The following ADAMTSL1 variants were observed in gnomAD, a reference collection of about 807,000 sequenced individuals.
ADAMTSL1 encodes ADAMTS like 1, also known as ADAMTS-like protein 1.
Under a neutral mutation model 201.8 loss-of-function variants are expected in ADAMTSL1, and 126 were observed. The observed-to-expected ratio is 0.62, with a 90% CI of 0.54 to 0.72. The LOEUF (loss-of-function observed/expected upper bound fraction) is 0.72, where lower values mean the gene tolerates loss of function less well. ADAMTSL1 is among the 30% of genes least tolerant of loss of function. The pLI is 0.00. For synonymous variants in ADAMTSL1, 1,121 were observed against 903.4 expected, an observed-to-expected ratio of 1.24 and a Z score of -4.32; for missense variants, 2,679 against 2,277.8, an observed-to-expected ratio of 1.18 and a Z score of -3.59.
chr9:18,133,948 A>C (rs1447930420), intron 1 of ADAMTSL1, among the ~76,000 whole-genome samples: 2 of 152,190 alleles, frequency 1.3e-5, no homozygotes, highest in Non-Finnish European at 2.9e-5. Flanking sequence ...CCATTAGTGT[A>C]AAATGGGAAG....
chr9:18,643,067 T>C (rs1827550029), intron 7 of ADAMTSL1, among the ~76,000 whole-genome samples: 2 of 152,084 alleles, frequency 1.3e-5, no homozygotes, highest in Non-Finnish European at 2.9e-5. Flanking sequence ...AAGGGTTCCC[T>C]TTTCTCTACA....
chr9:18,004,365 T>A lies in ADAMTSL1; in HGVS notation c.87+97443T>A, dbSNP rs553317104. On this transcript the variant is annotated intron_variant, in intron 1 of 29. Coordinates refer to the ADAMTSL1 transcript ENST00000680146. Reference sequence around the variant, plus strand: ...TCTGGCTGCTTCCATAGGAAGCAGATTCAGAGCTCCTTCTGCAGGTGGTAA... The same window carrying A: ...TCTGGCTGCTTCCATAGGAAGCAGAATCAGAGCTCCTTCTGCAGGTGGTAA... 3.9e-5 allele frequency among the ~76,000 whole-genome samples: 6 copies of A among 152,122 alleles called. No homozygotes were observed. The East Asian group carries it at 1.2e-3, about 30-fold the overall frequency.
chr9:18,188,909 G>A (rs560305825), intron 2 of ADAMTSL1, among the ~76,000 whole-genome samples: 67 of 152,270 alleles, frequency 4.4e-4, no homozygotes, highest in African/African-American at 1.6e-3. Flanking sequence ...AAGCAGAAAG[G>A]ATCTCCATTC....
intron 1 of ADAMTSL1, among the ~76,000 whole-genome samples, chr9:17,963,871 G>A (rs1051885474): frequency 2.0e-5 from 3 of 151,988 alleles, no homozygotes; most frequent in Non-Finnish European, 2.9e-5. Context: ...TTTTAAAAAC[G>A]GAATCCTCAG....
intron 2 of ADAMTSL1, among the ~76,000 whole-genome samples, chr9:18,185,796 A>G (rs911374985): frequency 6.6e-6 from 1 of 152,190 alleles, no homozygotes; most frequent in Non-Finnish European, 1.5e-5. Context: ...GTTTACAAGC[A>G]TTGGTTATGT....
At chr9:18,626,513 G>A (rs1359554492) in intron 5 of ADAMTSL1, among the ~76,000 whole-genome samples, 2 of 152,230 alleles carry the variant, frequency 1.3e-5, no homozygotes. Context: ...AAAGAAGCCA[G>A]TGTGACTAAA....
At chr9:18,202,234 C>T (rs1254206339) in intron 2 of ADAMTSL1, among the ~76,000 whole-genome samples, 1 of 152,106 alleles carries the variant, frequency 6.6e-6, no homozygotes, top group Non-Finnish European at 1.5e-5. Flanking sequence ...CATATTAAAG[C>T]TGTGTGACAT....
At chr9:18,347,390 G>A (rs11789735) in intron 2 of ADAMTSL1, among the ~76,000 whole-genome samples, 12,671 of 152,070 alleles carry the variant, frequency 0.083, 715 homozygotes, top group Non-Finnish European at 0.12. Context: ...CCAAGATGAT[G>A]AATGACATAT....
At chr9:18,392,864 T>A (rs932174395) in intron 2 of ADAMTSL1, among the ~76,000 whole-genome samples, 1 of 152,224 alleles carries the variant, frequency 6.6e-6, no homozygotes, top group African/African-American at 2.4e-5. Context: ...TCCCTCACTT[T>A]TGTGGTAGAA....
chr9:18,082,714 T>A (rs1823560637), intron 1 of ADAMTSL1, among the ~76,000 whole-genome samples: 1 of 152,122 alleles, frequency 6.6e-6, no homozygotes, highest in African/African-American at 2.4e-5. Context: ...GGTTCCTCCA[T>A]TGTCCCTCTG....
rs768787080 is a variant in ADAMTSL1 at position 18,887,937 on chromosome 9, G to C, written c.4356G>C (p.Gln1452His). ...GLTHHILAAGQILQVANLSGG... is the reference protein window; with the variant it reads ...GLTHHILAAGHILQVANLSGG... ...CGCATCACATCTTGGCAGCTGGACA[G>C]ATCCTTCAAGTTGCAAACCTTAGCG... The change falls in exon 24 of 29, where the codon CAG (glutamine) becomes CAC (histidine). Residue 1452 changes from glutamine (Q) to histidine (H), a missense_variant. Gln to His is a conservative substitution (Grantham distance 24). Coordinates refer to ENST00000380548, the MANE Select transcript of ADAMTSL1 (RefSeq NM_001040272.6). 8.7e-6 allele frequency: 14 copies of C among 1,613,870 alleles called. No individual in the cohort carries two copies. In the East Asian group the frequency reaches 3.1e-4, roughly 36 times the overall value.
chr9:18,021,605 T>A (rs770204807), intron 1 of ADAMTSL1, among the ~76,000 whole-genome samples: 13 of 152,120 alleles, frequency 8.5e-5, no homozygotes, highest in Non-Finnish European at 1.8e-4. Context: ...TAGAAAACAA[T>A]TATTAGTAAG....
chr9:18,301,983 G>A (rs183846313), intron 2 of ADAMTSL1, among the ~76,000 whole-genome samples: 1 of 152,290 alleles, frequency 6.6e-6, no homozygotes, highest in African/African-American at 2.4e-5. Context: ...CATGATCATA[G>A]AGGCCTCAGT....
At chr9:18,341,533 C>T (rs985300991) in intron 2 of ADAMTSL1, among the ~76,000 whole-genome samples, 17 of 152,126 alleles carry the variant, frequency 1.1e-4, no homozygotes, top group African/African-American at 2.4e-5. Flanking sequence ...AAATGTCCTC[C>T]ATAGCCCTTT....
At chr9:18,087,494 A>T (rs186547073) in intron 1 of ADAMTSL1, among the ~76,000 whole-genome samples, 1 of 152,056 alleles carries the variant, frequency 6.6e-6, no homozygotes, top group Non-Finnish European at 1.5e-5. Context: ...AAAATTTTTA[A>T]TTTTTTTAAA....
At chr9:18,189,527 ATTTAACGCCC>A (rs982568416) in intron 2 of ADAMTSL1, among the ~76,000 whole-genome samples, 2 of 152,156 alleles carry the variant, frequency 1.3e-5, no homozygotes, top group African/African-American at 4.8e-5. Context: ...AGAGGGCAAG[ATTTAACGCCC>A]TTTTCCACCC....
intron 10 of ADAMTSL1, among the ~76,000 whole-genome samples, chr9:18,677,049 C>A (rs554365658): frequency 2.6e-5 from 4 of 151,992 alleles, no homozygotes; most frequent in Admixed American, 2.6e-4. Context: ...ATATACACAT[C>A]TATCGATGTT....
chr9:18,293,198 C>G (rs1833341092), intron 2 of ADAMTSL1, among the ~76,000 whole-genome samples: 1 of 152,180 alleles, frequency 6.6e-6, no homozygotes, highest in Admixed American at 6.5e-5. Context: ...CATGTCTTTG[C>G]TATTGTGAAT....
intron 4 of ADAMTSL1, among the ~76,000 whole-genome samples, chr9:18,587,296 G>A (rs1250788299): frequency 6.6e-6 from 1 of 151,894 alleles, no homozygotes; most frequent in Non-Finnish European, 1.5e-5. Flanking sequence ...TGAGTAAAGG[G>A]CATGAACAGG....
Sources: gnomAD v4.1 joint callset for allele counts (sites outside exome capture counted in the v4.1 genomes callset) on GRCh38, gnomAD v4.1.1 for gene constraint, MANE v1.5 for transcripts, NCBI Gene and HGNC (gene_info 2026-07-23, HGNC 2026-07-21) for gene names.